Variants in SMAD7 observed in about 807,000 individuals in gnomAD.
SMAD7 encodes SMAD family member 7.
In SMAD7, 8 loss-of-function variants were observed where a neutral mutation model predicts 38.7. That is an observed-to-expected ratio of 0.21 (90% CI 0.12 to 0.37). SMAD7 has a LOEUF of 0.37. Among genes scored for constraint, SMAD7 ranks in the 10% least tolerant of loss-of-function variants. The pLI, the probability that SMAD7 is intolerant of heterozygous loss-of-function variation, is 1.00. For missense variants in SMAD7, 477 were observed against 577.9 expected (o/e 0.83, Z 1.79); for synonymous variants, 327 against 265.1 (o/e 1.23, Z -2.27).
At chr18:48,937,348 A>C (rs1422131793) in intron 3 of SMAD7, among the ~76,000 whole-genome samples, 1 of 150,480 alleles carries the variant, frequency 6.6e-6, no homozygotes, top group Non-Finnish European at 1.5e-5. Context: ...TGTCACCAAA[A>C]GTGACACCAC....
intron 3 of SMAD7, among the ~76,000 whole-genome samples, chr18:48,925,754 T>C (rs1318387912): frequency 5.0e-5 from 2 of 40,398 alleles, no homozygotes; most frequent in East Asian, 1.8e-3. Context: ...ATGTTTTTCT[T>C]TTTTTTTTTT....
intron 3 of SMAD7, among the ~76,000 whole-genome samples, chr18:48,922,778 TC>T (rs1348073220): frequency 6.6e-6 from 1 of 151,856 alleles, no homozygotes; most frequent in Non-Finnish European, 1.5e-5. Flanking sequence ...GCCCCCTCTC[TC>T]CCCTCCTTCC....
intron 3 of SMAD7, 109 bp from the exon 4 acceptor site, chr18:48,922,019 C>T (rs985486580): frequency 2.4e-5 from 21 of 862,380 alleles, no homozygotes; most frequent in Admixed American, 8.4e-5. Flanking sequence ...TCTCTCAGGA[C>T]GAGACAGAAA....
chr18:48,928,349 G>C (rs1363551944), intron 3 of SMAD7, among the ~76,000 whole-genome samples: 1 of 152,054 alleles, frequency 6.6e-6, no homozygotes, highest in Non-Finnish European at 1.5e-5. Context: ...TGAGGAGCAG[G>C]GTACATTTTT....
intron 2 of SMAD7, among the ~76,000 whole-genome samples, chr18:48,943,938 C>T (rs1002764511): frequency 2.0e-5 from 3 of 151,990 alleles, no homozygotes; most frequent in East Asian, 1.9e-4. Context: ...CCTAAGCGGG[C>T]GAGGGGCAGA....
intron 2 of SMAD7, chr18:48,942,795 G>A (rs917853949): frequency 7.5e-7 from 1 of 1,337,594 alleles, no homozygotes; most frequent in Non-Finnish European, 9.6e-7. Flanking sequence ...CTCGAGTCAG[G>A]CTCAATGAGA....
At position 48,939,003 on chromosome 18, in the gene SMAD7, C is replaced by T. The variant is rs536122789; in HGVS notation, c.742+3478G>A. On this transcript the variant is annotated intron_variant, in intron 3 of 3. Coordinates refer to ENST00000262158, the MANE Select transcript of SMAD7 (RefSeq NM_005904.4). ...AATCCACAAACTCCACCCCACAAGT[C>T]CACAACCTCTTGGAGAGGCCGCCCT... Among the ~76,000 whole-genome samples the T allele has an allele frequency of 9.8e-5, 15 of 152,294 alleles. 1 individual carries two copies. The highest frequency in any genetic ancestry group is 9.8e-4 in the Admixed American group (15 of 15,302).
intron 3 of SMAD7, among the ~76,000 whole-genome samples, chr18:48,926,997 C>CA (rs774866355): frequency 6.6e-5 from 10 of 152,298 alleles, no homozygotes; most frequent in Admixed American, 3.3e-4. Context: ...ATCCCTCCCC[C>CA]AAATAGAGAC....
chr18:48,944,431 G>A (rs1215605601), intron 2 of SMAD7, among the ~76,000 whole-genome samples: 1 of 152,208 alleles, frequency 6.6e-6, no homozygotes, highest in African/African-American at 2.4e-5. Context: ...TTTGTGAAAT[G>A]GTGCTCTGCC....
Position 48,921,618 on chromosome 18 carries a change from G to A in SMAD7, c.1035C>T (p.Ala345=), listed in dbSNP as rs761747389. 1.2e-6 allele frequency: 2 copies of A among 1,613,060 alleles called. No individual in the cohort carries two copies. Among genetic ancestry groups the A allele is most frequent in the Non-Finnish European group, 1.7e-6 (2 of 1,179,126 alleles). The change falls in exon 4 of 4, where the codon GCC becomes GCT. Residue 345 remains alanine, a synonymous_variant. Coordinates refer to ENST00000262158, the MANE Select transcript of SMAD7 (RefSeq NM_005904.4). This position sits in a 1 kb window ranked among gnomAD's most constrained non-coding sequence, Gnocchi z 6.4. ...TCCTGGAGTCCGGGTTGTCCAGTGT[G>A]GCGGACTTGATGAAGATGGGGTAAC... ...RSSYPIFIKS[A]TLDNPDSRTL... is the part of the protein sequence containing the mutation.
intron 3 of SMAD7, among the ~76,000 whole-genome samples, chr18:48,931,928 G>A (rs151026951): frequency 6.6e-6 from 1 of 152,160 alleles, no homozygotes; most frequent in Non-Finnish European, 1.5e-5. Context: ...AGGTGGGGGG[G>A]CTTCTGAGTT....
At position 48,950,452 on chromosome 18, in the gene SMAD7, C is replaced by T. The variant is rs1245087507; in HGVS notation, c.-28G>A. On this transcript the variant is annotated 5_prime_UTR_variant, in exon 1 of 4. Coordinates refer to ENST00000262158, the MANE Select transcript of SMAD7 (RefSeq NM_005904.4). ...GGGGCGAGGAGGCGAGGAGAAAAGT[C>T]GTTTGCCTGCTAAGGAGCGAACATG... is the stretch of plus-strand genomic sequence containing the variant. 1 of 1,538,422 alleles carries T rather than the reference C, an allele frequency of 6.5e-7. No homozygotes were observed. The highest frequency in any genetic ancestry group is 8.7e-7 in the Non-Finnish European group (1 of 1,144,366).
chr18:48,939,368 T>C (rs1286360160), intron 3 of SMAD7, among the ~76,000 whole-genome samples: 1 of 149,014 alleles, frequency 6.7e-6, no homozygotes, highest in Non-Finnish European at 1.5e-5. Flanking sequence ...AGGCCTGTCG[T>C]CTACCCACCC....
At position 48,921,282 on chromosome 18, in the gene SMAD7, G is replaced by A. The variant is rs2069855656; in HGVS notation, c.*90C>T. Reference sequence around the variant, plus strand: ...AAAAAAACGACCAAAGAGTTTGCATGAAAAGCAAGCACTCAGGAGGAAAAT... The same window carrying A: ...AAAAAAACGACCAAAGAGTTTGCATAAAAAGCAAGCACTCAGGAGGAAAAT... On this transcript the variant is annotated 3_prime_UTR_variant, in exon 4 of 4. Coordinates refer to ENST00000262158, the MANE Select transcript of SMAD7 (RefSeq NM_005904.4). The surrounding 1 kb of genome is among the most constrained non-coding windows in gnomAD (Gnocchi z 6.4). The A allele has an allele frequency of 1.7e-6, 2 of 1,176,122 alleles. No individual in the cohort carries two copies. Among genetic ancestry groups the A allele is most frequent in the Non-Finnish European group, 2.4e-6 (2 of 843,370 alleles). 72.9% of individuals were successfully genotyped at this position (1,176,122 alleles called of 1,614,324 possible).
chr18:48,945,497 A>G (rs562442109), intron 2 of SMAD7, among the ~76,000 whole-genome samples: 1 of 152,298 alleles, frequency 6.6e-6, no homozygotes, highest in African/African-American at 2.4e-5. Context: ...GGAATCCTCA[A>G]ATTTCTAGGT....
At chr18:48,933,962 C>T (rs1377216323) in intron 3 of SMAD7, among the ~76,000 whole-genome samples, 1 of 152,230 alleles carries the variant, frequency 6.6e-6, no homozygotes, top group Non-Finnish European at 1.5e-5. Context: ...GCCAGCCACA[C>T]ACACAGGTCT....
chr18:48,942,729 G>A, intron 2 of SMAD7, 174 bp from the exon 3 acceptor site: 1 of 1,488,236 alleles, frequency 6.7e-7, no homozygotes, highest in Non-Finnish European at 8.9e-7. Context: ...CCCATCGTAA[G>A]ACAGACCACA....
At chr18:48,942,112 G>A (rs1296667965) in intron 3 of SMAD7, among the ~76,000 whole-genome samples, 4 of 151,948 alleles carry the variant, frequency 2.6e-5, no homozygotes, top group African/African-American at 7.3e-5. Flanking sequence ...TCCCCCATGC[G>A]CAAAGAGCAA....
chr18:48,927,519 A>G (rs2069943319), intron 3 of SMAD7, among the ~76,000 whole-genome samples: 1 of 152,188 alleles, frequency 6.6e-6, no homozygotes. Flanking sequence ...CCGACCAGCT[A>G]CAAAGCCAGA....
Sources: allele counts gnomAD v4.1 joint callset (sites outside exome capture counted in the v4.1 genomes callset), GRCh38; gene constraint gnomAD v4.1.1; non-coding constraint Gnocchi (gnomAD v3.1); transcripts MANE v1.5; gene names NCBI Gene and HGNC (gene_info 2026-07-23, HGNC 2026-07-21).